Variants in SNTG2 observed in about 807,000 individuals in gnomAD.
SNTG2 encodes syntrophin gamma 2.
In SNTG2, 74 loss-of-function variants were observed where a neutral mutation model predicts 70.9. The observed-to-expected ratio is 1.04, with a 90% CI of 0.86 to 1.27. The LOEUF (loss-of-function observed/expected upper bound fraction) is 1.27. SNTG2 is among the 50% of genes most tolerant of loss of function. The pLI, the probability that SNTG2 is intolerant of heterozygous loss-of-function variation, is 0.00. For missense variants in SNTG2, 717 were observed against 690.7 expected (o/e 1.04, Z -0.43); for synonymous variants, 278 against 273.8 (o/e 1.02, Z -0.15).
At chr2:1,296,507 G>A (rs181410774) in intron 14 of SNTG2, among the ~76,000 whole-genome samples, 5 of 152,276 alleles carry the variant, frequency 3.3e-5, no homozygotes, top group South Asian at 2.1e-4. Flanking sequence ...TCTTCTACCC[G>A]TGTATTAGTA....
At chr2:998,677 G>C (rs1661773189) in intron 1 of SNTG2, among the ~76,000 whole-genome samples, 1 of 151,976 alleles carries the variant, frequency 6.6e-6, no homozygotes, top group African/African-American at 2.4e-5. Context: ...AGGTATTCCT[G>C]AGGAAGAAGA....
chr2:1,045,521 C>T (rs1044894565), intron 1 of SNTG2, among the ~76,000 whole-genome samples: 1 of 152,020 alleles, frequency 6.6e-6, no homozygotes, highest in Non-Finnish European at 1.5e-5. Context: ...GTGTTTAGCA[C>T]CATGAGCTTT....
chr2:1,017,397 A>G (rs981133714), intron 1 of SNTG2, among the ~76,000 whole-genome samples: 1 of 152,238 alleles, frequency 6.6e-6, no homozygotes, highest in African/African-American at 2.4e-5. Context: ...ATACACATGC[A>G]GGCATGCAGA....
intron 1 of SNTG2, among the ~76,000 whole-genome samples, chr2:970,584 C>A (rs1268774307): frequency 8.3e-5 from 12 of 143,946 alleles, no homozygotes; most frequent in African/African-American, 3.2e-4. Flanking sequence ...CATGTCCCTA[C>A]AAAGGACATG....
In SNTG2 at chr2:1,204,032, C is replaced by T. The variant is rs72768829; in HGVS notation, c.592-5071C>T. On this transcript the variant is annotated intron_variant, in intron 8 of 16. Transcript: ENST00000308624. ...TTTATGCTGAGAGAAGAAAGGTTTACACACAAGTGATAGTGCATCATTCGA... is the reference window on the plus strand; with the variant it reads ...TTTATGCTGAGAGAAGAAAGGTTTATACACAAGTGATAGTGCATCATTCGA... 6.0e-4 allele frequency among the ~76,000 whole-genome samples: 91 copies of T among 152,264 alleles called. 1 individual carries two copies. The highest frequency in any genetic ancestry group is 6.8e-3 in the Middle Eastern group (2 of 294).
chr2:1,167,497 G>T (rs1479744733), intron 7 of SNTG2, among the ~76,000 whole-genome samples: 1 of 125,268 alleles, frequency 8.0e-6, no homozygotes, highest in Non-Finnish European at 1.7e-5. Context: ...CCTAGAAGCC[G>T]CCCACAGACG....
chr2:1,119,122 T>C (rs1199076662), intron 4 of SNTG2, among the ~76,000 whole-genome samples: 1 of 152,136 alleles, frequency 6.6e-6, no homozygotes, highest in African/African-American at 2.4e-5. Flanking sequence ...GTATGATACC[T>C]ACAGGGAAAA....
chr2:1,215,803 T>G (rs924747751), intron 9 of SNTG2, among the ~76,000 whole-genome samples: 20 of 149,774 alleles, frequency 1.3e-4, no homozygotes, highest in African/African-American at 4.9e-4. Context: ...GAACATGCAG[T>G]GTTTGGTTTT....
At chr2:1,298,402 G>C (rs1409370850) in intron 14 of SNTG2, among the ~76,000 whole-genome samples, 1 of 152,100 alleles carries the variant, frequency 6.6e-6, no homozygotes, top group African/African-American at 2.4e-5. Flanking sequence ...CCAAAGTGCT[G>C]GGATTACAGG....
chr2:1,192,739 G>A (rs907274235), intron 8 of SNTG2, among the ~76,000 whole-genome samples: 1 of 152,024 alleles, frequency 6.6e-6, no homozygotes, highest in South Asian at 2.1e-4. Flanking sequence ...TGATCACACC[G>A]TCCCTCCTAC....
chr2:1,187,439 C>G (rs1303661137), intron 8 of SNTG2, among the ~76,000 whole-genome samples: 2 of 152,146 alleles, frequency 1.3e-5, no homozygotes, highest in Non-Finnish European at 2.9e-5. Context: ...CTGCCAGCTG[C>G]TGCTCTTTGG....
chr2:1,136,886 T>C (rs1293920534), intron 4 of SNTG2, among the ~76,000 whole-genome samples: 1 of 152,250 alleles, frequency 6.6e-6, no homozygotes, highest in African/African-American at 2.4e-5. Context: ...ACAGTTGTTT[T>C]GATCAGAGCC....
At chr2:1,221,797 G>A (rs200019275) in intron 9 of SNTG2, among the ~76,000 whole-genome samples, 1 of 5,092 alleles carries the variant, frequency 2.0e-4, no homozygotes, top group Non-Finnish European at 3.7e-4. Context: ...GTCTCTGTCT[G>A]TCTCTGTCTC....
At chr2:954,881 G>A (rs1437226082) in intron 1 of SNTG2, among the ~76,000 whole-genome samples, 1 of 152,198 alleles carries the variant, frequency 6.6e-6, no homozygotes, top group Non-Finnish European at 1.5e-5. Flanking sequence ...ATGAGGATGT[G>A]ATTTTGCAAT....
intron 16 of SNTG2, among the ~76,000 whole-genome samples, chr2:1,321,826 C>T (rs547124292): frequency 6.9e-6 from 1 of 145,080 alleles, no homozygotes; most frequent in Admixed American, 7.0e-5. Context: ...TTTTAAAATT[C>T]TCATCTCAAG....
rs554067648 is a variant in SNTG2 at position 1,019,127 on chromosome 2, G to C, written c.73-64391G>C. Among the ~76,000 whole-genome samples the C allele has an allele frequency of 3.2e-4, 49 of 152,322 alleles. No individual in the cohort carries two copies. In the South Asian group the frequency reaches 1.0e-2, roughly 31 times the overall value. On this transcript the variant is annotated intron_variant, in intron 1 of 16. Coordinates refer to ENST00000308624, the MANE Select transcript of SNTG2 (RefSeq NM_018968.4). Reference sequence around the variant, plus strand: ...GTTGTGGACAGGCATTCTGAGCTGGGCTGCAGAGCACTGATGGAGGGACGT... The same window carrying C: ...GTTGTGGACAGGCATTCTGAGCTGGCCTGCAGAGCACTGATGGAGGGACGT...
At chr2:1,042,053 C>G (rs1439989089) in intron 1 of SNTG2, among the ~76,000 whole-genome samples, 1 of 152,184 alleles carries the variant, frequency 6.6e-6, no homozygotes, top group African/African-American at 2.4e-5. Context: ...CTACAAAGAA[C>G]TAAGGCTACA....
At chr2:1,130,735 T>C (rs1667963112) in intron 4 of SNTG2, among the ~76,000 whole-genome samples, 1 of 152,214 alleles carries the variant, frequency 6.6e-6, no homozygotes, top group Non-Finnish European at 1.5e-5. Context: ...ATTCATTTGC[T>C]AGAGTACAGT....
At chr2:1,244,659 G>A (rs1677295156) in intron 11 of SNTG2, among the ~76,000 whole-genome samples, 1 of 118,106 alleles carries the variant, frequency 8.5e-6, no homozygotes, top group Admixed American at 9.2e-5. Flanking sequence ...TTGCACCACT[G>A]CACTCCAGCC....
Sources: gnomAD v4.1 joint callset for allele counts (sites outside exome capture counted in the v4.1 genomes callset) on GRCh38, gnomAD v4.1.1 for gene constraint, MANE v1.5 for transcripts, NCBI Gene and HGNC (gene_info 2026-07-23, HGNC 2026-07-21) for gene names.